The following ZFP90 variants were observed in gnomAD, a reference collection of about 807,000 sequenced individuals.
The protein encoded by ZFP90 is ZFP90 zinc finger protein.
ZFP90 carries 38 observed loss-of-function variants against 60.8 expected under a neutral mutation model. The observed-to-expected ratio is 0.62, with a 90% CI of 0.48 to 0.82. ZFP90 has a LOEUF of 0.82. ZFP90 is among the 40% of genes least tolerant of loss of function. ZFP90 has a pLI of 0.00. For missense variants in ZFP90, 711 were observed against 759.1 expected, an observed-to-expected ratio of 0.94 and a Z score of 0.74; for synonymous variants, 287 against 264.8, an observed-to-expected ratio of 1.08 and a Z score of -0.82.
intron 4 of ZFP90, among the ~76,000 whole-genome samples, chr16:68,561,460 G>A (rs2091438030): frequency 6.6e-6 from 1 of 152,152 alleles, no homozygotes; most frequent in Admixed American, 6.6e-5. Context: ...TCCATGAGAT[G>A]TGATATATAC....
chr16:68,574,253 AAAG>A (rs1317076753), intron 2 of ZFP90: 8 of 136,694 alleles, frequency 5.9e-5, no homozygotes, highest in East Asian at 1.9e-4. Flanking sequence ...AAAAAAAAAA[AAAG>A]GTTTTTCTTT....
In ZFP90 at chr16:68,564,809, C is replaced by T. The variant is rs1412127600; in HGVS notation, c.*111C>T. On this transcript the variant is annotated 3_prime_UTR_variant, in exon 5 of 5. Coordinates refer to ENST00000563169, the MANE Select transcript of ZFP90 (RefSeq NM_001305203.2). ...GTAATGAATTACGTGTGTGTTTATA[C>T]GTTGTGTGTGGAGAAAACTGCCAGT... 2.5e-5 allele frequency: 36 copies of T among 1,422,616 alleles called. No homozygotes were observed. The highest frequency in any genetic ancestry group is 2.1e-4 in the Admixed American group (7 of 32,572). 88.1% of individuals were successfully genotyped at this position (1,422,616 alleles called of 1,614,324 possible).
intron 2 of ZFP90, among the ~76,000 whole-genome samples, chr16:68,546,935 TAAAAG>T (rs1158414085): frequency 6.6e-6 from 1 of 152,230 alleles, no homozygotes; most frequent in Non-Finnish European, 1.5e-5. Flanking sequence ...TGCTTTAAAA[TAAAAG>T]CCTTTCTAAG....
intron 2 of ZFP90, among the ~76,000 whole-genome samples, chr16:68,545,077 C>T (rs2091123403): frequency 1.3e-5 from 2 of 151,878 alleles, no homozygotes; most frequent in South Asian, 4.2e-4. Flanking sequence ...GATGGGGTTT[C>T]GTCATGTTAT....
Position 68,566,643 on chromosome 16 carries a change from C to G in ZFP90, c.*1945C>G, listed in dbSNP as rs1423201161. On this transcript the variant is annotated 3_prime_UTR_variant, in exon 5 of 5. Coordinates refer to ENST00000563169, the MANE Select transcript of ZFP90 (RefSeq NM_001305203.2). ...CATCCAAAACACCTTGTTTATGGTG[C>G]ACCATGATTAGCTCACACACAATGC... is the stretch of plus-strand genomic sequence containing the variant. 1.1e-5 allele frequency: 11 copies of G among 985,428 alleles called. No individual in the cohort carries two copies. Among genetic ancestry groups the G allele is most frequent in the Non-Finnish European group, 1.2e-5 (10 of 829,952 alleles). The allele number at this position is 985,428 out of a possible 1,614,324, so 61.0% of individuals were successfully genotyped here. A position where few individuals can be genotyped will look rare whatever the true frequency, so the allele number is the denominator to read the frequency against.
Position 68,566,650 on chromosome 16 carries a change from A to T in ZFP90, c.*1952A>T. The T allele has an allele frequency of 1.0e-6, 1 of 985,584 alleles. No individual in the cohort carries two copies. Among genetic ancestry groups the T allele is most frequent in the Non-Finnish European group, 1.2e-6 (1 of 829,952 alleles). 61.1% of individuals were successfully genotyped at this position (985,584 alleles called of 1,614,324 possible). ...AACACCTTGTTTATGGTGCACCATGATTAGCTCACACACAATGCCAAGGCT... is the reference window on the plus strand; with the variant it reads ...AACACCTTGTTTATGGTGCACCATGTTTAGCTCACACACAATGCCAAGGCT... On this transcript the variant is annotated 3_prime_UTR_variant, in exon 5 of 5. Transcript: ENST00000563169.
downstream of ZFP90, among the ~76,000 whole-genome samples, chr16:68,570,054 G>A (rs1357765134): frequency 7.1e-4 from 6 of 8,480 alleles, no homozygotes; most frequent in African/African-American, 2.2e-3. Context: ...GTGTATACGT[G>A]TGTGTGTGTG....
In ZFP90 at chr16:68,543,863, CTT is replaced by C. The variant is rs34492203; in HGVS notation, c.33+4053_33+4054del. Among the ~76,000 whole-genome samples, 1,185 of 127,312 alleles carry C rather than the reference CTT, an allele frequency of 9.3e-3. 18 individuals are homozygous for C. Among genetic ancestry groups the C allele is most frequent in the East Asian group, 0.073 (315 of 4,316 alleles). The allele number at this position is 127,312 out of a possible 152,430, so 83.5% of individuals were successfully genotyped here. ...CGTGAGCCACTGTGTCTGGCCTGCC[CTT>C]TTTTTTTTTTTTTTCGAGGTAGAGT... On this transcript the variant is annotated intron_variant, in intron 2 of 4. Transcript: ENST00000563169.
At position 68,563,632 on chromosome 16, in the gene ZFP90, T is replaced by C. The variant is rs1020780171; in HGVS notation, c.845T>C (p.Phe282Ser). The C allele has an allele frequency of 6.2e-7, 1 of 1,614,000 alleles. No homozygotes were observed. The highest frequency in any genetic ancestry group is 8.5e-7 in the Non-Finnish European group (1 of 1,179,974). ...HQRIHTGEKPFECNVCGKAFR... is the reference protein window; with the variant it reads ...HQRIHTGEKPSECNVCGKAFR... ...AGAATTCACACTGGGGAGAAACCCT[T>C]TGAATGCAATGTATGTGGAAAGGCC... Residue 282 changes from phenylalanine (F) to serine (S), a missense_variant, in exon 5 of 5, where the codon TTT becomes TCT. Phe to Ser is a radical substitution (Grantham distance 155, BLOSUM62 -2). Around this residue, in one of 5 missense-constraint regions of ZFP90, gnomAD observed 146 missense variants for 201.4 expected, o/e 0.73. Transcript: ENST00000563169.
chr16:68,575,328 C>G (rs1466046906), intron 2 of ZFP90, among the ~76,000 whole-genome samples: 1 of 152,064 alleles, frequency 6.6e-6, no homozygotes, highest in East Asian at 1.9e-4. Flanking sequence ...AAGTTCTTGT[C>G]CTGCATCCAA....
chr16:68,557,222 C>T (rs1273345355), intron 2 of ZFP90: 1 of 455,600 alleles, frequency 2.2e-6, no homozygotes, highest in East Asian at 6.9e-5. Context: ...TCTTGGGCTC[C>T]TGTAACAAAG....
At chr16:68,543,038 GGA>G (rs1001676102) in intron 2 of ZFP90, among the ~76,000 whole-genome samples, 31 of 152,306 alleles carry the variant, frequency 2.0e-4, no homozygotes, top group African/African-American at 6.3e-4. Flanking sequence ...TGGGGAGGTG[GGA>G]GGTTTGTAGT....
chr16:68,535,799 C>T (rs1031594269), upstream of ZFP90: 2 of 152,032 alleles, frequency 1.3e-5, no homozygotes, highest in African/African-American at 4.8e-5. Context: ...CTCGGTATTC[C>T]CTACCAATTT....
intron 4 of ZFP90, 69 bp downstream of exon 4, chr16:68,558,637 C>T (rs937464054): frequency 7.1e-7 from 1 of 1,407,632 alleles, no homozygotes; most frequent in African/African-American, 1.4e-5. Context: ...GGGGGAGATA[C>T]CCTCCAGCAG....
chr16:68,558,573 ATGAG>A lies in ZFP90; in HGVS notation c.256+10_256+13del. ...TCCAACGACCTTTCTATCCAGGTAA[ATGAG>A]TGAGAGTCAGGCATTAGGAATGAAT... On this transcript the variant is annotated splice_donor_region_variant and intron_variant, in intron 4 of 4. Transcript: ENST00000563169. 1.5e-5 allele frequency: 24 copies of A among 1,611,606 alleles called. No homozygotes were observed. The highest frequency in any genetic ancestry group is 2.0e-5 in the Non-Finnish European group (23 of 1,178,004).
At chr16:68,533,502 A>G (rs1037135361) in intron 1 of ZFP90, among the ~76,000 whole-genome samples, 3 of 152,092 alleles carry the variant, frequency 2.0e-5, no homozygotes, top group African/African-American at 4.8e-5. Context: ...TTCCTTGTCT[A>G]TATATGACTG....
chr16:68,570,214 C>T (rs1038633971), downstream of ZFP90, among the ~76,000 whole-genome samples: 1 of 152,162 alleles, frequency 6.6e-6, no homozygotes, highest in East Asian at 1.9e-4. Context: ...TTTGTGTCTG[C>T]TCTCATCAAA....
At chr16:68,567,408 G>C (rs1354648631), downstream of ZFP90, among the ~76,000 whole-genome samples, 1 of 152,134 alleles carries the variant, frequency 6.6e-6, no homozygotes, top group African/African-American at 2.4e-5. Context: ...TTGACTGTAG[G>C]AACCTAAATC....
At chr16:68,543,472 A>T (rs1164769799) in intron 2 of ZFP90, among the ~76,000 whole-genome samples, 1 of 152,144 alleles carries the variant, frequency 6.6e-6, no homozygotes, top group East Asian at 1.9e-4. Context: ...CGGGATACCC[A>T]TTTAGAATGT....
Sources: gnomAD v4.1 joint callset for allele counts (sites outside exome capture counted in the v4.1 genomes callset) on GRCh38, gnomAD v4.1.1 for gene constraint, gnomAD v4.1.1 regional missense constraint, MANE v1.5 for transcripts, NCBI Gene and HGNC (gene_info 2026-07-23, HGNC 2026-07-21) for gene names.